Variants in LARGE1 observed in about 807,000 individuals in gnomAD.
LARGE1 encodes the protein LARGE xylosyl- and glucuronyltransferase 1.
Under a neutral mutation model 87.6 loss-of-function variants are expected in LARGE1, and 43 were observed. That is an observed-to-expected ratio of 0.49 (90% CI 0.38 to 0.63). LARGE1 has a LOEUF of 0.63. Ranked by LOEUF, LARGE1 falls within the 30% of genes least tolerant of loss-of-function variation. The probability of loss-of-function intolerance (pLI) is 0.00; values close to 1 mark genes in which losing one functional copy is unlikely to be tolerated. For missense variants in LARGE1, 802 were observed against 1,000.2 expected (o/e 0.80, Z 2.67); for synonymous variants, 434 against 394.6 (o/e 1.10, Z -1.18).
At chr22:33,754,942 G>A (rs1415111518) in intron 2 of LARGE1, among the ~76,000 whole-genome samples, 1 of 152,128 alleles carries the variant, frequency 6.6e-6, no homozygotes, top group African/African-American at 2.4e-5. Context: ...ACAGGGCTGG[G>A]GAATCAGTCA....
intron 9 of LARGE1, among the ~76,000 whole-genome samples, chr22:33,370,101 C>T (rs1294596839): frequency 6.6e-6 from 1 of 152,026 alleles, no homozygotes; most frequent in Non-Finnish European, 1.5e-5. Flanking sequence ...GACTGATAGC[C>T]TAAAATAATA....
At chr22:33,303,829 T>C (rs1379111358) in intron 12 of LARGE1, among the ~76,000 whole-genome samples, 1 of 151,882 alleles carries the variant, frequency 6.6e-6, no homozygotes, top group Non-Finnish European at 1.5e-5. Context: ...TTCACCATGT[T>C]GGCCAGGATG....
chr22:33,522,581 C>T (rs1381655337), intron 6 of LARGE1, among the ~76,000 whole-genome samples: 1 of 151,932 alleles, frequency 6.6e-6, no homozygotes, highest in Non-Finnish European at 1.5e-5. Flanking sequence ...GCCTATAATC[C>T]CAGCACTTTG....
At chr22:33,406,170 A>T (rs912872496) in intron 7 of LARGE1, among the ~76,000 whole-genome samples, 2 of 152,120 alleles carry the variant, frequency 1.3e-5, no homozygotes, top group Admixed American at 1.3e-4. Flanking sequence ...TGGTGACTCC[A>T]TTCTTCTCTG....
chr22:33,785,113 A>G (rs1381273132), intron 1 of LARGE1, among the ~76,000 whole-genome samples: 1 of 60,796 alleles, frequency 1.6e-5, no homozygotes, highest in African/African-American at 8.9e-5. Context: ...ATACATACAT[A>G]TGTGTATATG....
chr22:33,688,559 C>T (rs748703473), intron 2 of LARGE1, among the ~76,000 whole-genome samples: 17 of 152,136 alleles, frequency 1.1e-4, no homozygotes, highest in Non-Finnish European at 2.2e-4. Context: ...CCATGTTGTT[C>T]ATGTTGGTCT....
intron 6 of LARGE1, among the ~76,000 whole-genome samples, chr22:33,460,667 C>A (rs2068339630): frequency 6.6e-6 from 1 of 152,088 alleles, no homozygotes. Flanking sequence ...CCTATCCCTA[C>A]TGGAATTAAG....
the LARGE1 span, among the ~76,000 whole-genome samples, chr22:33,126,043 C>T: frequency 0.019 from 2,910 of 152,250 alleles, 90 homozygotes; most frequent in African/African-American, 0.062. Context: ...CCACAGCGCC[C>T]GGCTGGAATT....
intron 1 of LARGE1, among the ~76,000 whole-genome samples, chr22:33,905,210 T>A (rs2065410443): frequency 6.6e-6 from 1 of 151,796 alleles, no homozygotes; most frequent in Non-Finnish European, 1.5e-5. Context: ...ACCACAGGCA[T>A]GCACCAGGAT....
At chr22:33,766,125 G>A (rs1458745882) in intron 1 of LARGE1, among the ~76,000 whole-genome samples, 1 of 152,140 alleles carries the variant, frequency 6.6e-6, no homozygotes, top group African/African-American at 2.4e-5. Context: ...GAAACAGGAG[G>A]TGGGCTGGAA....
At chr22:33,533,224 T>C (rs984076410) in intron 6 of LARGE1, among the ~76,000 whole-genome samples, 1 of 152,188 alleles carries the variant, frequency 6.6e-6, no homozygotes, top group Non-Finnish European at 1.5e-5. Flanking sequence ...GTTGTTCGGC[T>C]TTTTTAGGTA....
intron 6 of LARGE1, among the ~76,000 whole-genome samples, chr22:33,458,209 C>T (rs2068219644): frequency 6.6e-6 from 1 of 150,774 alleles, no homozygotes; most frequent in Admixed American, 6.6e-5. Flanking sequence ...CGGGTTCATG[C>T]CATTCTCCTG....
chr22:33,625,428 T>G (rs902366885), intron 4 of LARGE1, among the ~76,000 whole-genome samples: 2 of 152,136 alleles, frequency 1.3e-5, no homozygotes, highest in African/African-American at 4.8e-5. Context: ...AACCAATCCT[T>G]AGGATGATGG....
At chr22:33,621,746 A>G (rs567064180) in intron 4 of LARGE1, among the ~76,000 whole-genome samples, 4 of 152,314 alleles carry the variant, frequency 2.6e-5, no homozygotes, top group African/African-American at 9.6e-5. Flanking sequence ...CAGCATATCA[A>G]TTCACAGAAT....
intron 5 of LARGE1, among the ~76,000 whole-genome samples, chr22:33,576,871 G>A (rs559960632): frequency 1.3e-5 from 2 of 152,134 alleles, no homozygotes; most frequent in African/African-American, 4.8e-5. Flanking sequence ...ATTGTTTAGA[G>A]CATACTGAAA....
intron 1 of LARGE1, among the ~76,000 whole-genome samples, chr22:33,818,523 A>C (rs2086724766): frequency 1.3e-5 from 2 of 152,128 alleles, no homozygotes; most frequent in African/African-American, 4.8e-5. Context: ...AAGAAGGGGG[A>C]CTGTGGCCCT....
intron 6 of LARGE1, among the ~76,000 whole-genome samples, chr22:33,474,045 C>T (rs987524593): frequency 1.3e-5 from 2 of 152,214 alleles, no homozygotes; most frequent in Non-Finnish European, 2.9e-5. Context: ...ATCATGATAT[C>T]ACAGGATCAC....
chr22:33,713,397 C>A (rs181055689), intron 2 of LARGE1, among the ~76,000 whole-genome samples: 1 of 152,156 alleles, frequency 6.6e-6, no homozygotes, highest in South Asian at 2.1e-4. Context: ...TCCACTAGTA[C>A]ATAAATGCAG....
intron 11 of LARGE1, among the ~76,000 whole-genome samples, chr22:33,168,630 C>T (rs1029653067): frequency 6.6e-6 from 1 of 152,190 alleles, no homozygotes; most frequent in Non-Finnish European, 1.5e-5. Context: ...CTCTTTTAAT[C>T]CTCATAACAA....
Sources: gnomAD v4.1 joint callset for allele counts (sites outside exome capture counted in the v4.1 genomes callset) on GRCh38, gnomAD v4.1.1 for gene constraint, MANE v1.5 for transcripts, NCBI Gene and HGNC (gene_info 2026-07-23, HGNC 2026-07-21) for gene names.